The following NPSR1 variants were observed in gnomAD, a reference collection of about 807,000 sequenced individuals.
NPSR1 encodes neuropeptide S receptor 1.
NPSR1 carries 48 observed loss-of-function variants against 46.9 expected under a neutral mutation model. The observed-to-expected ratio is 1.02, with a 90% CI of 0.81 to 1.30. NPSR1 has a LOEUF of 1.30. NPSR1 is among the 50% of genes most tolerant of loss of function. NPSR1 has a pLI of 0.00. For synonymous variants in NPSR1, 176 were observed against 168.1 expected, an observed-to-expected ratio of 1.05 and a Z score of -0.36; for missense variants, 450 against 449.5, an observed-to-expected ratio of 1.00 and a Z score of -0.01.
intron 3 of NPSR1, among the ~76,000 whole-genome samples, chr7:34,808,795 A>G (rs915038389): frequency 2.0e-5 from 3 of 152,174 alleles, no homozygotes; most frequent in African/African-American, 7.2e-5. Flanking sequence ...ACATGTTGTT[A>G]TAGTGTTTTC....
intron 3 of NPSR1, among the ~76,000 whole-genome samples, chr7:34,806,322 A>G (rs145586957): frequency 0.017 from 2,537 of 152,240 alleles, 44 homozygotes; most frequent in Admixed American, 0.051. Flanking sequence ...TAAATGGGAT[A>G]TTATTCAATG....
At chr7:34,717,705 G>C (rs1407738815) in intron 2 of NPSR1, among the ~76,000 whole-genome samples, 1 of 152,164 alleles carries the variant, frequency 6.6e-6, no homozygotes, top group African/African-American at 2.4e-5. Context: ...CTTGGAAAAG[G>C]ACAGCTTCCA....
At position 34,877,344 on chromosome 7, in the gene NPSR1, A is replaced by G. The variant is rs374877570; in HGVS notation, c.1026-732A>G. 4.2e-3 allele frequency among the ~76,000 whole-genome samples: 635 copies of G among 152,314 alleles called. 5 individuals carry two copies. The highest frequency in any genetic ancestry group is 0.014 in the African/African-American group (593 of 41,568). ...CCTTATCCAAAACCTGACACAAAGA[A>G]GGTGGCCCACTCCTGCCTCCTTGCA... On this transcript the variant is annotated intron_variant, in intron 8 of 8. Coordinates refer to the NPSR1 transcript ENST00000359791.
At chr7:34,730,627 A>C (rs1784377166) in intron 2 of NPSR1, among the ~76,000 whole-genome samples, 1 of 152,228 alleles carries the variant, frequency 6.6e-6, no homozygotes, top group Admixed American at 6.5e-5. Flanking sequence ...TCAGCCTACT[A>C]TGAAGAAGTC....
In NPSR1 at chr7:34,692,741, A is replaced by C. The variant is rs559450648; in HGVS notation, c.280+8057A>C. Among the ~76,000 whole-genome samples the C allele has an allele frequency of 3.9e-5, 6 of 152,356 alleles. No individual in the cohort carries two copies. The East Asian group carries it at 9.7e-4, about 25-fold the overall frequency. On this transcript the variant is annotated intron_variant, in intron 2 of 8. Transcript: ENST00000360581. ...ATGACATGAGATTGAGATTTAAAAA[A>C]AGATACAAAAAGTCAACAAAACAAA...
intron 1 of NPSR1, among the ~76,000 whole-genome samples, chr7:34,672,263 G>T (rs1792095943): frequency 6.6e-6 from 1 of 152,146 alleles, no homozygotes; most frequent in Non-Finnish European, 1.5e-5. Flanking sequence ...GCTATATTAT[G>T]GGAATTCAGA....
intron 2 of NPSR1, among the ~76,000 whole-genome samples, chr7:34,720,954 C>T (rs1783825482): frequency 6.6e-6 from 1 of 151,766 alleles, no homozygotes; most frequent in African/African-American, 2.4e-5. Flanking sequence ...GGAACAACAT[C>T]TGGAAGGCTC....
chr7:34,767,802 C>T (rs1786503542), intron 2 of NPSR1, among the ~76,000 whole-genome samples: 1 of 151,846 alleles, frequency 6.6e-6, no homozygotes, highest in Non-Finnish European at 1.5e-5. Flanking sequence ...AAAAAGCTAG[C>T]TATAACTTAT....
chr7:34,717,118 TATA>T (rs1218215000), intron 2 of NPSR1, among the ~76,000 whole-genome samples: 3 of 152,218 alleles, frequency 2.0e-5, no homozygotes, highest in Non-Finnish European at 4.4e-5. Flanking sequence ...GGAGAGGATG[TATA>T]ATGAGTCTTT....
intron 2 of NPSR1, chr7:34,750,591 GC>G: frequency 1.5e-6 from 1 of 688,598 alleles, no homozygotes; most frequent in Admixed American, 1.9e-5. Flanking sequence ...CAGGCCTGAA[GC>G]TTTTGCTCAA....
chr7:34,668,039 C>G (rs1791842360), intron 1 of NPSR1, among the ~76,000 whole-genome samples: 1 of 152,032 alleles, frequency 6.6e-6, no homozygotes. Flanking sequence ...CTCATGCCCT[C>G]TGGACAGAGT....
intron 8 of NPSR1, among the ~76,000 whole-genome samples, chr7:34,863,741 G>T (rs895074381): frequency 5.9e-5 from 9 of 151,768 alleles, no homozygotes; most frequent in African/African-American, 2.2e-4. Context: ...TGCTGGAGAG[G>T]ATGTAGAGAA....
At chr7:34,736,909 T>C (rs1216087398) in intron 2 of NPSR1, among the ~76,000 whole-genome samples, 1 of 152,230 alleles carries the variant, frequency 6.6e-6, no homozygotes, top group East Asian at 1.9e-4. Flanking sequence ...AAATTATCAT[T>C]AGAATTTTTT....
At chr7:34,673,993 A>G (rs1437679102) in intron 1 of NPSR1, among the ~76,000 whole-genome samples, 1 of 152,168 alleles carries the variant, frequency 6.6e-6, no homozygotes, top group Non-Finnish European at 1.5e-5. Context: ...CAGTTGGGTT[A>G]CTCAGGGGTT....
At position 34,684,696 on chromosome 7, in the gene NPSR1, T is replaced by C. The variant is rs759846062; in HGVS notation, c.280+12T>C. The stretch of plus-strand genomic sequence containing the variant: ...GCTGGCCATCACAGGTAAGTAACTA[T>C]GCAAGTGAGAGGCAGGAAGCTATAT... On this transcript the variant is annotated intron_variant, in intron 2 of 8. Transcript: ENST00000360581. 4.4e-6 allele frequency: 7 copies of C among 1,597,908 alleles called. No homozygotes were observed. Among genetic ancestry groups the C allele is most frequent in the Non-Finnish European group, 6.0e-6 (7 of 1,172,290 alleles).
intron 2 of NPSR1, among the ~76,000 whole-genome samples, chr7:34,762,269 G>T (rs577932416): frequency 6.6e-6 from 1 of 152,180 alleles, no homozygotes. Flanking sequence ...TGACTGAGGT[G>T]TGAGCCACTT....
intron 2 of NPSR1, among the ~76,000 whole-genome samples, chr7:34,758,501 A>C (rs1785993270): frequency 6.6e-6 from 1 of 152,224 alleles, no homozygotes; most frequent in African/African-American, 2.4e-5. Flanking sequence ...TACCGTGCAG[A>C]GGTCACAGCC....
intron 8 of NPSR1, among the ~76,000 whole-genome samples, chr7:34,865,389 G>A (rs760299188): frequency 1.3e-5 from 2 of 151,628 alleles, no homozygotes; most frequent in South Asian, 4.2e-4. Flanking sequence ...TGACCCTATG[G>A]ACAGCTCCCC....
At chr7:34,769,886 T>C (rs1786597388) in intron 2 of NPSR1, among the ~76,000 whole-genome samples, 2 of 152,256 alleles carry the variant, frequency 1.3e-5, no homozygotes, top group African/African-American at 2.4e-5. Flanking sequence ...TGATTAAGCC[T>C]TTAAAGTGTA....
Sources: gnomAD v4.1 joint callset for allele counts (sites outside exome capture counted in the v4.1 genomes callset) on GRCh38, gnomAD v4.1.1 for gene constraint, MANE v1.5 for transcripts, NCBI Gene and HGNC (gene_info 2026-07-23, HGNC 2026-07-21) for gene names.